Variants in EXT1 observed in about 807,000 individuals in gnomAD.
EXT1 encodes exostosin-1.
Under a neutral mutation model 82.5 loss-of-function variants are expected in EXT1, and 20 were observed. That is an observed-to-expected ratio of 0.24 (90% confidence interval 0.17 to 0.35). EXT1 has a LOEUF of 0.35. Among genes scored for constraint, EXT1 ranks in the 10% least tolerant of loss-of-function variants. The probability of loss-of-function intolerance (pLI) is 1.00; values close to 1 mark genes in which losing one functional copy is unlikely to be tolerated. For synonymous variants in EXT1, 348 were observed against 350.8 expected (o/e 0.99, Z 0.09); for missense variants, 757 against 936.5 (o/e 0.81, Z 2.50).
chr8:117,887,525 T>C (rs1813167414), intron 1 of EXT1, among the ~76,000 whole-genome samples: 1 of 152,078 alleles, frequency 6.6e-6, no homozygotes, highest in Admixed American at 6.6e-5. Flanking sequence ...ATAATTTTTG[T>C]ATTTTTAGTA....
intron 1 of EXT1, among the ~76,000 whole-genome samples, chr8:117,875,262 T>TA (rs1221357191): frequency 8.6e-5 from 13 of 150,986 alleles, no homozygotes; most frequent in Middle Eastern, 3.4e-3. Flanking sequence ...GCTAAAAATA[T>TA]AAAAAAAAAT....
intron 1 of EXT1, among the ~76,000 whole-genome samples, chr8:118,080,848 A>G (rs1817307299): frequency 2.0e-5 from 3 of 152,140 alleles, no homozygotes; most frequent in South Asian, 4.1e-4. Context: ...GAAGTCATAA[A>G]ATGTGGTTCC....
In EXT1 at chr8:118,110,681, T is replaced by C. The variant is rs955430770; in HGVS notation, c.366A>G (p.Gln122=). ...AACTTTCGGCGATTTTCTCCCCTTT[T>C]TGCTGTGGGTATACGTAGACTTTGA... ...NGFKVYVYPQ[Q]KGEKIAESYQ... The change falls in exon 1 of 11, where the codon CAA becomes CAG. Residue 122 remains glutamine, a synonymous_variant. Transcript: ENST00000378204. 1 of 1,614,046 alleles carries C rather than the reference T, an allele frequency of 6.2e-7. No homozygotes were observed. The highest frequency in any genetic ancestry group is 1.3e-5 in the African/African-American group (1 of 74,904).
intron 1 of EXT1, among the ~76,000 whole-genome samples, chr8:117,958,121 T>C (rs1814625496): frequency 6.6e-6 from 1 of 152,200 alleles, no homozygotes; most frequent in Non-Finnish European, 1.5e-5. Flanking sequence ...AAGTCTTTTT[T>C]TTTTTAATAA....
chr8:117,830,461 G>A, intron 3 of EXT1, 112 bp from the exon 4 acceptor site: 2 of 1,182,110 alleles, frequency 1.7e-6, no homozygotes, highest in South Asian at 2.9e-5. Context: ...TTGGCTTCTA[G>A]CATATAGATC....
At chr8:117,878,813 G>A (rs1813012321) in intron 1 of EXT1, among the ~76,000 whole-genome samples, 1 of 152,196 alleles carries the variant, frequency 6.6e-6, no homozygotes, top group East Asian at 1.9e-4. Flanking sequence ...GTATGATGAG[G>A]ATGTCATGCC....
At chr8:117,973,930 CAAGGAAGGAAGGAAGG>C (rs759924955) in intron 1 of EXT1, among the ~76,000 whole-genome samples, 143 of 79,526 alleles carry the variant, frequency 1.8e-3, no homozygotes, top group Middle Eastern at 7.7e-3. Flanking sequence ...AGGCAGAAAG[CAAGGAAGGAAGGAAGG>C]AAGGAAGGAA....
At chr8:117,955,106 A>G (rs1445333919) in intron 1 of EXT1, among the ~76,000 whole-genome samples, 2 of 152,196 alleles carry the variant, frequency 1.3e-5, no homozygotes, top group African/African-American at 4.8e-5. Flanking sequence ...ATGGATACAC[A>G]TGAACAGCCA....
chr8:118,039,557 C>CAAAAAAAAAAAAAAAAAAAAAAAAA (rs71307422), intron 1 of EXT1, among the ~76,000 whole-genome samples: 1 of 82,046 alleles, frequency 1.2e-5, no homozygotes. Flanking sequence ...GACTCCGTCA[C>CAAAAAAAAAAAAAAAAAAAAAAAAA]AAAAAAAAAA....
rs527885139 is a variant in EXT1, at chr8:117,935,736, A to G, written c.963-98535T>C. On this transcript the variant is annotated intron_variant, in intron 1 of 10. Transcript: ENST00000378204. ...CTTAAATATTCCAATGCAAATATGT[A>G]TTTCTGTAAAATTATTATTTTTATT... 3.0e-4 allele frequency among the ~76,000 whole-genome samples: 45 copies of G among 152,200 alleles called. No individual in the cohort carries two copies. The South Asian group carries it at 8.3e-3, about 28-fold the overall frequency.
chr8:117,881,203 T>C (rs1183163675), intron 1 of EXT1, among the ~76,000 whole-genome samples: 1 of 152,222 alleles, frequency 6.6e-6, no homozygotes, highest in Non-Finnish European at 1.5e-5. Context: ...GTTTTATGTA[T>C]TTCTGTGGCT....
intron 1 of EXT1, among the ~76,000 whole-genome samples, chr8:118,083,565 A>C (rs1052268729): frequency 6.6e-6 from 1 of 152,108 alleles, no homozygotes; most frequent in Non-Finnish European, 1.5e-5. Context: ...GTGACACCTC[A>C]ACACCTCTCT....
intron 1 of EXT1, among the ~76,000 whole-genome samples, chr8:118,029,345 G>A (rs964162442): frequency 6.6e-6 from 1 of 152,146 alleles, no homozygotes; most frequent in African/African-American, 2.4e-5. Context: ...AGAATCACTT[G>A]AGCCCAGGAG....
intron 1 of EXT1, among the ~76,000 whole-genome samples, chr8:117,997,684 A>T (rs1321937307): frequency 6.6e-6 from 1 of 152,236 alleles, no homozygotes; most frequent in East Asian, 1.9e-4. Flanking sequence ...TCCATTATTC[A>T]GTAGAGGTAC....
At chr8:118,001,296 C>T (rs991037289) in intron 1 of EXT1, among the ~76,000 whole-genome samples, 1 of 152,160 alleles carries the variant, frequency 6.6e-6, no homozygotes, top group African/African-American at 2.4e-5. Flanking sequence ...AGGCAATTCT[C>T]GTGCCTCAGC....
intron 1 of EXT1, among the ~76,000 whole-genome samples, chr8:118,032,125 C>CAATGGCCAAAACCGCGATGAGT (rs1816335511): frequency 2.3e-5 from 1 of 43,418 alleles, no homozygotes; most frequent in African/African-American, 9.7e-5. Context: ...GGCCATTACT[C>CAATGGCCAAAACCGCGATGAGT]AATGGCCAAA....
In EXT1 at chr8:117,843,930, A is replaced by G. The variant is rs193175994; in HGVS notation, c.963-6729T>C. On this transcript the variant is annotated intron_variant, in intron 1 of 10. Coordinates refer to ENST00000378204, the MANE Select transcript of EXT1 (RefSeq NM_000127.3). Reference sequence around the variant, plus strand: ...GTGTCTAAAACTGACATGTCTTATGAAGCCAGGTCCTAAGCAGTTCACCTA... The same window carrying G: ...GTGTCTAAAACTGACATGTCTTATGGAGCCAGGTCCTAAGCAGTTCACCTA... Among the ~76,000 whole-genome samples the G allele has an allele frequency of 2.2e-4, 33 of 152,170 alleles. No individual in the cohort carries two copies. In the East Asian group the frequency reaches 6.4e-3, roughly 30 times the overall value.
At chr8:117,863,411 G>GTT (rs10624775) in intron 1 of EXT1, among the ~76,000 whole-genome samples, 35,195 of 132,128 alleles carry the variant, frequency 0.27, 5,258 homozygotes, top group Middle Eastern at 0.36. Context: ...CTAAGTCTAG[G>GTT]TTTTTTTTTT....
At chr8:117,927,102 A>T (rs10097988) in intron 1 of EXT1, among the ~76,000 whole-genome samples, 3,072 of 152,322 alleles carry the variant, frequency 0.02, 114 homozygotes, top group African/African-American at 0.071. Flanking sequence ...TTTATTTAAA[A>T]TATCACACAG....
Sources: allele counts gnomAD v4.1 joint callset (sites outside exome capture counted in the v4.1 genomes callset), GRCh38; gene constraint gnomAD v4.1.1; transcripts MANE v1.5; gene names NCBI Gene and HGNC (gene_info 2026-07-23, HGNC 2026-07-21).